Variants in RASGRP1 observed in about 807,000 individuals in gnomAD.
RASGRP1 encodes RAS guanyl releasing protein 1, also known as RAS guanyl-releasing protein 1.
Under a neutral mutation model 95.1 loss-of-function variants are expected in RASGRP1, and 37 were observed. The observed-to-expected ratio is 0.39, with a 90% CI of 0.30 to 0.51. RASGRP1 has a LOEUF of 0.51. Ranked by LOEUF, RASGRP1 falls within the 20% of genes least tolerant of loss-of-function variation. The pLI is 0.80. For missense variants in RASGRP1, 711 were observed against 965.4 expected (o/e 0.74, Z 3.49); for synonymous variants, 325 against 353.4 (o/e 0.92, Z 0.90).
At chr15:38,494,859 G>A (rs1595817107) in intron 15 of RASGRP1, 92 bp from the exon 16 acceptor site, 3 of 1,123,926 alleles carry the variant, frequency 2.7e-6, no homozygotes, top group South Asian at 3.7e-5. Flanking sequence ...CTTTCTTATT[G>A]TTACTGGAGT....
intron 2 of RASGRP1, among the ~76,000 whole-genome samples, chr15:38,559,053 G>A (rs1178656111): frequency 3.9e-5 from 6 of 152,104 alleles, no homozygotes; most frequent in African/African-American, 1.4e-4. Flanking sequence ...GGAAATCTTT[G>A]AATTCAATGA....
intron 2 of RASGRP1, among the ~76,000 whole-genome samples, chr15:38,531,718 A>C (rs1156434443): frequency 1.3e-5 from 2 of 152,208 alleles, no homozygotes; most frequent in African/African-American, 4.8e-5. Flanking sequence ...AGGGAGGCAG[A>C]GATGTGGTTA....
chr15:38,529,828 A>C (rs1892371949), intron 2 of RASGRP1, among the ~76,000 whole-genome samples: 1 of 152,262 alleles, frequency 6.6e-6, no homozygotes, highest in African/African-American at 2.4e-5. Context: ...TACCTATTTC[A>C]TTCGTGAAAT....
intron 15 of RASGRP1, among the ~76,000 whole-genome samples, chr15:38,495,602 A>G (rs929567060): frequency 3.9e-5 from 6 of 152,248 alleles, no homozygotes; most frequent in Admixed American, 2.0e-4. Flanking sequence ...GTATTTGACC[A>G]GAATCAACCA....
rs754357326 is a variant in RASGRP1 at position 38,559,920 on chromosome 15, A to G, written c.121T>C (p.Leu41=). 3.1e-6 allele frequency: 5 copies of G among 1,613,578 alleles called. No homozygotes were observed. In the South Asian group the frequency reaches 5.5e-5, roughly 18 times the overall value. The part of the protein sequence containing the change: ...ANSPFPSHPS[L]AHITQFRMMV... Reference sequence around the variant, plus strand: ...ATTCGGAACTGGGTGATGTGGGCCAAGCTGGGATGGGAGGGGAAGGGGCTG... The same window carrying G: ...ATTCGGAACTGGGTGATGTGGGCCAGGCTGGGATGGGAGGGGAAGGGGCTG... Residue 41 remains leucine (L), a synonymous_variant, in exon 2 of 17, where the codon TTG becomes CTG. Coordinates refer to ENST00000310803, the MANE Select transcript of RASGRP1 (RefSeq NM_005739.4).
chr15:38,526,543 C>G (rs1055679969), intron 2 of RASGRP1, 139 bp from the exon 3 acceptor site: 2 of 608,974 alleles, frequency 3.3e-6, no homozygotes, highest in African/African-American at 1.9e-5. Flanking sequence ...GCACAGCCCC[C>G]CTCTGTTTTT....
chr15:38,497,685 T>G (rs1481243342), intron 15 of RASGRP1, among the ~76,000 whole-genome samples: 3 of 152,224 alleles, frequency 2.0e-5, no homozygotes, highest in Non-Finnish European at 4.4e-5. Flanking sequence ...ATCTTCCCCC[T>G]AACTAGAACT....
intron 3 of RASGRP1, among the ~76,000 whole-genome samples, chr15:38,524,685 C>T (rs1327001626): frequency 6.6e-6 from 1 of 152,036 alleles, no homozygotes; most frequent in Non-Finnish European, 1.5e-5. Context: ...TGAGTGTAGA[C>T]TATTTTAAGA....
intron 2 of RASGRP1, 22 bp downstream of exon 2, chr15:38,559,799 T>C (rs781526267): frequency 6.2e-7 from 1 of 1,603,870 alleles, no homozygotes; most frequent in Non-Finnish European, 8.5e-7. Flanking sequence ...TTTTTATGCC[T>C]GTGGGCAGTT....
chr15:38,539,462 A>T (rs1228125487), intron 2 of RASGRP1, among the ~76,000 whole-genome samples: 3 of 152,166 alleles, frequency 2.0e-5, no homozygotes, highest in African/African-American at 7.2e-5. Context: ...GCTAGGAAGT[A>T]GCAAGAAGGG....
At chr15:38,490,912 AGTG>A (rs1890548973) in intron 16 of RASGRP1, among the ~76,000 whole-genome samples, 1 of 152,152 alleles carries the variant, frequency 6.6e-6, no homozygotes, top group African/African-American at 2.4e-5. Context: ...AAAGTTTGTG[AGTG>A]GTTAGCAGGC....
chr15:38,501,015 T>C, intron 13 of RASGRP1, 128 bp downstream of exon 13: 1 of 1,110,238 alleles, frequency 9.0e-7, no homozygotes, highest in Non-Finnish European at 1.2e-6. Context: ...GAGCTCTAGG[T>C]TATTCTAGGT....
At chr15:38,492,529 T>C (rs1890627116) in intron 16 of RASGRP1, among the ~76,000 whole-genome samples, 1 of 152,098 alleles carries the variant, frequency 6.6e-6, no homozygotes, top group South Asian at 2.1e-4. Context: ...CACTGACAGG[T>C]CTCCAAAAAC....
chr15:38,561,243 G>T (rs1893797988), intron 1 of RASGRP1, among the ~76,000 whole-genome samples: 1 of 152,226 alleles, frequency 6.6e-6, no homozygotes, highest in Admixed American at 6.5e-5. Flanking sequence ...GGCCAGAGAA[G>T]ACCACAGCGA....
intron 1 of RASGRP1, among the ~76,000 whole-genome samples, chr15:38,564,081 C>T (rs1398879407): frequency 6.6e-6 from 1 of 152,234 alleles, no homozygotes; most frequent in Non-Finnish European, 1.5e-5. Context: ...ATATGTTTCC[C>T]TGACCCACGG....
intron 15 of RASGRP1, among the ~76,000 whole-genome samples, chr15:38,496,616 T>G (rs186389687): frequency 6.6e-6 from 1 of 152,336 alleles, no homozygotes; most frequent in East Asian, 1.9e-4. Flanking sequence ...CTATTAAAAG[T>G]TGAACATCAA....
chr15:38,532,941 A>G (rs541574502), intron 2 of RASGRP1, among the ~76,000 whole-genome samples: 1 of 152,050 alleles, frequency 6.6e-6, no homozygotes, highest in Non-Finnish European at 1.5e-5. Context: ...CTCCTTGCTG[A>G]TAAGAGGTGG....
chr15:38,493,233 C>T (rs549846393), intron 16 of RASGRP1, among the ~76,000 whole-genome samples: 27 of 135,716 alleles, frequency 2.0e-4, no homozygotes, highest in Admixed American at 3.2e-4. Context: ...GCTAGAGTGC[C>T]GTGGCTTGGT....
chr15:38,519,512 A>G (rs1891916939), intron 3 of RASGRP1, 141 bp from the exon 4 acceptor site: 1 of 690,400 alleles, frequency 1.4e-6, no homozygotes, highest in Non-Finnish European at 2.4e-6. Context: ...TTCTGGCCAA[A>G]GGATAAAAAC....
Sources: gnomAD v4.1 joint callset for allele counts (sites outside exome capture counted in the v4.1 genomes callset) on GRCh38, gnomAD v4.1.1 for gene constraint, MANE v1.5 for transcripts, NCBI Gene and HGNC (gene_info 2026-07-23, HGNC 2026-07-21) for gene names.